Variants in LIPA observed in about 807,000 individuals in gnomAD.
LIPA encodes the protein lipase A, lysosomal acid type, also known as lysosomal acid lipase/cholesteryl ester hydrolase.
In LIPA, 26 loss-of-function variants were observed where a neutral mutation model predicts 40.6. That is an observed-to-expected ratio of 0.64 (90% CI 0.47 to 0.89). LIPA has a LOEUF of 0.89. Ranked by LOEUF, LIPA falls within the 40% of genes least tolerant of loss-of-function variation. LIPA has a pLI of 0.00. For missense variants in LIPA, 455 were observed against 479.6 expected (o/e 0.95, Z 0.48); for synonymous variants, 188 against 168.4 (o/e 1.12, Z -0.90).
chr10:89,272,807 T>C (rs1843272241), intron 1 of LIPA, among the ~76,000 whole-genome samples: 1 of 152,278 alleles, frequency 6.6e-6, no homozygotes, highest in Non-Finnish European at 1.5e-5. Context: ...CGTGAGATGA[T>C]ATTTCATTGT....
At chr10:89,321,535 C>A (rs1047082830) in intron 1 of LIPA, among the ~76,000 whole-genome samples, 5 of 152,044 alleles carry the variant, frequency 3.3e-5, no homozygotes, top group African/African-American at 1.2e-4. Flanking sequence ...ATCTCACACC[C>A]GTTAGAATGG....
chr10:89,293,353 A>G (rs745717907), intron 1 of LIPA, among the ~76,000 whole-genome samples: 1 of 152,154 alleles, frequency 6.6e-6, no homozygotes, highest in Non-Finnish European at 1.5e-5. Flanking sequence ...ACAGACTAAC[A>G]CAGTTTCCAT....
intron 1 of LIPA, chr10:89,307,355 T>G (rs761897086): frequency 1.2e-6 from 2 of 1,602,546 alleles, no homozygotes; most frequent in Non-Finnish European, 1.7e-6. Context: ...CCCTTCAGCA[T>G]CAAGCTGGAA....
chr10:89,283,168 A>G (rs1490438361), intron 1 of LIPA, among the ~76,000 whole-genome samples: 2 of 152,194 alleles, frequency 1.3e-5, no homozygotes, highest in African/African-American at 4.8e-5. Context: ...CTCCTGTGCC[A>G]CTCACAGTTT....
intron 2 of LIPA, among the ~76,000 whole-genome samples, chr10:89,363,838 C>T (rs1485077424): frequency 1.3e-5 from 2 of 149,548 alleles, no homozygotes; most frequent in Non-Finnish European, 3.0e-5. Context: ...CAGTCAAGTG[C>T]TAGAGGAAAA....
At chr10:89,272,894 CT>C (rs1473168721) in intron 1 of LIPA, among the ~76,000 whole-genome samples, 1 of 152,160 alleles carries the variant, frequency 6.6e-6, no homozygotes. Flanking sequence ...TGTATGTCTT[CT>C]TTTGAGAAGT....
At chr10:89,404,334 C>G (rs1844494988) in intron 2 of LIPA, 1 of 152,408 alleles carries the variant, frequency 6.6e-6, no homozygotes, top group Non-Finnish European at 1.5e-5. Flanking sequence ...GATAAGTGAC[C>G]ACTGCCCACA....
intron 1 of LIPA, among the ~76,000 whole-genome samples, chr10:89,260,773 C>A (rs953286557): frequency 5.9e-5 from 9 of 152,182 alleles, no homozygotes; most frequent in Non-Finnish European, 1.0e-4. Context: ...CTCTGCCTCC[C>A]AAAGGGAGGC....
In LIPA at chr10:89,214,151, T is replaced by G. The variant is rs1205170650; in HGVS notation, c.*677A>C. On this transcript the variant is annotated 3_prime_UTR_variant, in exon 10 of 10. Coordinates refer to ENST00000336233, the MANE Select transcript of LIPA (RefSeq NM_000235.4). ...AGCATTTAAAACATACTTTTGTTTT[T>G]GTTTTATCAGTGCAATTTGTTTTTG... is the stretch of plus-strand genomic sequence containing the variant. 1 of 152,346 alleles carries G rather than the reference T, an allele frequency of 6.6e-6. No individual in the cohort carries two copies. The highest frequency in any genetic ancestry group is 1.5e-5 in the Non-Finnish European group (1 of 68,134). 9.4% of individuals were successfully genotyped at this position (152,346 alleles called of 1,614,324 possible).
At chr10:89,305,579 G>A (rs1843472819) in intron 1 of LIPA, among the ~76,000 whole-genome samples, 1 of 152,084 alleles carries the variant, frequency 6.6e-6, no homozygotes, top group Admixed American at 6.5e-5. Context: ...AGCTAGGGAA[G>A]AATGAAGAAC....
chr10:89,261,286 A>G (rs567867246), intron 1 of LIPA, among the ~76,000 whole-genome samples: 4 of 152,300 alleles, frequency 2.6e-5, no homozygotes, highest in Admixed American at 1.3e-4. Flanking sequence ...GTCAACAGTT[A>G]AAAATCAGAA....
upstream of LIPA, among the ~76,000 whole-genome samples, chr10:89,252,675 G>T (rs1486947343): frequency 4.6e-5 from 7 of 152,124 alleles, no homozygotes; most frequent in Admixed American, 4.6e-4. Flanking sequence ...GTGTGGTGGT[G>T]TGTGCCTCTA....
At chr10:89,401,280 C>A (rs1389890380) in intron 2 of LIPA, among the ~76,000 whole-genome samples, 1 of 152,002 alleles carries the variant, frequency 6.6e-6, no homozygotes, top group African/African-American at 2.4e-5. Flanking sequence ...CCATGCCCAC[C>A]TAATTTTTTT....
chr10:89,282,395 T>G (rs569433930), intron 1 of LIPA, among the ~76,000 whole-genome samples: 2 of 152,032 alleles, frequency 1.3e-5, no homozygotes, highest in South Asian at 4.2e-4. Context: ...CTCAGCACTT[T>G]GGGAGGCTGA....
chr10:89,384,655 A>G, intron 2 of LIPA: 1 of 1,614,226 alleles, frequency 6.2e-7, no homozygotes, highest in Non-Finnish European at 8.5e-7. Flanking sequence ...GCTTATCCAC[A>G]AATTGAAAGG....
At chr10:89,286,817 T>G (rs1259451082) in intron 1 of LIPA, among the ~76,000 whole-genome samples, 3 of 151,894 alleles carry the variant, frequency 2.0e-5, no homozygotes, top group Non-Finnish European at 4.4e-5. Context: ...TAGAGTAGAG[T>G]CAGCCAAGTA....
At chr10:89,272,197 G>A (rs1330294033) in intron 1 of LIPA, among the ~76,000 whole-genome samples, 1 of 152,122 alleles carries the variant, frequency 6.6e-6, no homozygotes, top group Non-Finnish European at 1.5e-5. Flanking sequence ...CACCATCCAG[G>A]TATTAAGCGT....
At chr10:89,272,877 G>A (rs1435915323) in intron 1 of LIPA, among the ~76,000 whole-genome samples, 8 of 152,180 alleles carry the variant, frequency 5.3e-5, no homozygotes, top group Admixed American at 4.6e-4. Flanking sequence ...CTTGATTGTT[G>A]TCTGCATGTA....
chr10:89,238,390 C>A (rs2133451962), intron 3 of LIPA, among the ~76,000 whole-genome samples: 1 of 152,288 alleles, frequency 6.6e-6, no homozygotes, highest in Middle Eastern at 3.4e-3. Flanking sequence ...TGCAATTATT[C>A]AAGACTTCCT....
Sources: allele counts gnomAD v4.1 joint callset (sites outside exome capture counted in the v4.1 genomes callset), GRCh38; gene constraint gnomAD v4.1.1; transcripts MANE v1.5; gene names NCBI Gene and HGNC (gene_info 2026-07-23, HGNC 2026-07-21).